ALMS1: variants seen among roughly 807,000 people sequenced by gnomAD.
The protein encoded by ALMS1 is ALMS1 centrosome and basal body associated protein.
A neutral mutation model predicts 352.2 loss-of-function variants in ALMS1; 271 were observed. That is an observed-to-expected ratio of 0.77 (90% CI 0.70 to 0.85). The LOEUF (loss-of-function observed/expected upper bound fraction) is 0.85. ALMS1 is among the 40% of genes least tolerant of loss of function. The pLI, the probability that ALMS1 is intolerant of heterozygous loss-of-function variation, is 0.00. For missense variants in ALMS1, 5,445 were observed against 4,870.7 expected (o/e 1.12, Z -3.51); for synonymous variants, 1,865 against 1,761.2 (o/e 1.06, Z -1.48).
intron 11 of ALMS1, among the ~76,000 whole-genome samples, chr2:73,529,172 T>G (rs932324934): frequency 6.6e-6 from 1 of 151,342 alleles, no homozygotes; most frequent in African/African-American, 2.4e-5. Flanking sequence ...CCCTCCCGAG[T>G]AGCTGGAACT....
intron 10 of ALMS1, among the ~76,000 whole-genome samples, chr2:73,517,125 A>G (rs1673574400): frequency 6.6e-6 from 1 of 151,994 alleles, no homozygotes; most frequent in African/African-American, 2.4e-5. Flanking sequence ...AATGGTAGAC[A>G]TACGGTAGAG....
At chr2:73,393,749 T>C (rs886648292) in intron 1 of ALMS1, among the ~76,000 whole-genome samples, 1 of 152,228 alleles carries the variant, frequency 6.6e-6, no homozygotes, top group Non-Finnish European at 1.5e-5. Flanking sequence ...GCCATAGATA[T>C]ATGGGTTTAT....
chr2:73,400,426 G>C (rs1412674224), intron 1 of ALMS1, among the ~76,000 whole-genome samples: 8 of 152,138 alleles, frequency 5.3e-5, no homozygotes, highest in Admixed American at 5.2e-4. Flanking sequence ...ATGTTTGTCT[G>C]GTATTGGCAG....
At chr2:73,405,524 A>G (rs1297973891) in intron 1 of ALMS1, among the ~76,000 whole-genome samples, 1 of 151,766 alleles carries the variant, frequency 6.6e-6, no homozygotes, top group Non-Finnish European at 1.5e-5. Context: ...ATATTTTCAA[A>G]TAACTATTGG....
intron 2 of ALMS1, among the ~76,000 whole-genome samples, chr2:73,413,236 G>C (rs11883989): frequency 6.6e-6 from 1 of 151,862 alleles, no homozygotes; most frequent in Non-Finnish European, 1.5e-5. Context: ...TTTATCAGTT[G>C]TTTCTTTTGC....
Position 73,453,307 on chromosome 2 carries a change from G to A in ALMS1, c.6780G>A (p.Lys2260=). Residue 2260 remains lysine (K), a synonymous_variant, in exon 8 of 23, where the codon AAG becomes AAA. Coordinates refer to ENST00000613296, the MANE Select transcript of ALMS1 (RefSeq NM_001378454.1). ...CAGAAAATAGTGCTAAAACTCTTAA[G>A]GAAATTCGGACACTTTTGATGGAGG... The part of the protein sequence containing the change: ...QDAENSAKTL[K]EIRTLLMEAE... 1.2e-6 allele frequency: 2 copies of A among 1,613,904 alleles called. No individual in the cohort carries two copies. The highest frequency in any genetic ancestry group is 1.7e-6 in the Non-Finnish European group (2 of 1,179,988).
intron 10 of ALMS1, among the ~76,000 whole-genome samples, chr2:73,504,944 A>G (rs1355123608): frequency 6.6e-6 from 1 of 151,176 alleles, no homozygotes; most frequent in Non-Finnish European, 1.5e-5. Flanking sequence ...TATATTCTCA[A>G]CTCCCACTTA....
chr2:73,520,108 AC>A (rs780759774), intron 11 of ALMS1, 92 bp downstream of exon 11: 8 of 1,532,394 alleles, frequency 5.2e-6, no homozygotes, highest in Non-Finnish European at 7.2e-6. Context: ...TAGTCAGAAA[AC>A]CTAATTTTAA....
At chr2:73,481,883 G>A (rs1484962974) in intron 9 of ALMS1, among the ~76,000 whole-genome samples, 1 of 151,172 alleles carries the variant, frequency 6.6e-6, no homozygotes, top group African/African-American at 2.5e-5. Flanking sequence ...CTGTTTGTCT[G>A]TTGTTGGTGT....
At chr2:73,485,894 C>T (rs189892528) in intron 9 of ALMS1, among the ~76,000 whole-genome samples, 17 of 152,182 alleles carry the variant, frequency 1.1e-4, no homozygotes, top group East Asian at 3.9e-4. Flanking sequence ...TGACCCCTTG[C>T]GCTTCCCAAG....
At chr2:73,415,990 G>C (rs1043131262) in intron 2 of ALMS1, among the ~76,000 whole-genome samples, 3 of 152,172 alleles carry the variant, frequency 2.0e-5, no homozygotes, top group Non-Finnish European at 2.9e-5. Context: ...GAACTAGAGA[G>C]TAAGTGATCT....
rs770477965 is a variant in ALMS1 at position 73,558,995 on chromosome 2, G to C, written c.10237G>C (p.Glu3413Gln). 1 of 1,613,958 alleles carries C rather than the reference G, an allele frequency of 6.2e-7. No individual in the cohort carries two copies. The highest frequency in any genetic ancestry group is 1.7e-5 in the Admixed American group (1 of 60,002). ...AGATTCCAGTGCTGCTGCTGCTGCAGAGCACTCAGCTCAAGTAGGAGACCC... is the reference window on the plus strand; with the variant it reads ...AGATTCCAGTGCTGCTGCTGCTGCACAGCACTCAGCTCAAGTAGGAGACCC... Reference protein sequence around the residue: ...TADSSAAAAAEHSAQVGDPEM... With the variant: ...TADSSAAAAAQHSAQVGDPEM... The change falls in exon 15 of 23, where the codon GAG (glutamate) becomes CAG (glutamine). Residue 3413 changes from glutamate (E) to glutamine (Q), a missense_variant. Physicochemically the swap from Glu to Gln is conservative, Grantham distance 29. Transcript: ENST00000613296.
intron 16 of ALMS1, among the ~76,000 whole-genome samples, chr2:73,586,026 C>G (rs866187003): frequency 7.2e-5 from 11 of 152,334 alleles, no homozygotes; most frequent in South Asian, 2.1e-4. Context: ...TCCCAAGATG[C>G]TGGGATTACA....
In ALMS1 at chr2:73,557,248, G is replaced by A. The variant is rs763785802; in HGVS notation, c.10107G>A (p.Gly3369=). The A allele has an allele frequency of 2.5e-6, 4 of 1,614,116 alleles. 1 individual carries two copies. The South Asian group carries it at 4.4e-5, about 18-fold the overall frequency. The part of the protein sequence containing the change: ...ADASVQVLIT[G]DENLSDKKQQ... Reference sequence around the variant, plus strand: ...CCTCAGTTCAAGTGCTAATCACTGGGGATGAGAACCTCTCAGACAAAAAAC... The same window carrying A: ...CCTCAGTTCAAGTGCTAATCACTGGAGATGAGAACCTCTCAGACAAAAAAC... The change falls in exon 14 of 23, where the codon GGG becomes GGA. Residue 3369 remains glycine, a synonymous_variant. Coordinates refer to ENST00000613296, the MANE Select transcript of ALMS1 (RefSeq NM_001378454.1).
At chr2:73,520,955 A>C (rs1223874378) in intron 11 of ALMS1, among the ~76,000 whole-genome samples, 1 of 152,180 alleles carries the variant, frequency 6.6e-6, no homozygotes, top group Non-Finnish European at 1.5e-5. Flanking sequence ...AAGTCTACTC[A>C]AAGTACATCT....
chr2:73,546,679 A>G (rs1674327380), intron 12 of ALMS1, among the ~76,000 whole-genome samples: 2 of 152,220 alleles, frequency 1.3e-5, no homozygotes, highest in African/African-American at 4.8e-5. Context: ...GCTGAACTCT[A>G]GAGGATGGGA....
At chr2:73,602,145 A>G (rs1238014637) in intron 19 of ALMS1, 40 bp from the exon 20 acceptor site, 1 of 1,581,270 alleles carries the variant, frequency 6.3e-7, no homozygotes, top group Non-Finnish European at 8.6e-7. Context: ...TTGCATCATT[A>G]ATCTGAGGCT....
chr2:73,448,348 A>T lies in ALMS1; in HGVS notation c.1821A>T (p.Leu607=), dbSNP rs1246038121. The T allele has an allele frequency of 1.9e-5, 30 of 1,613,960 alleles. No individual in the cohort carries two copies. Among genetic ancestry groups the T allele is most frequent in the Non-Finnish European group, 2.5e-5 (30 of 1,179,962 alleles). Residue 607 remains leucine (L), a synonymous_variant, in exon 8 of 23, where the codon CTA becomes CTT. Transcript: ENST00000613296. ...TGAAAGTTTCAGCTGCTCCTGGACT[A>T]GCTGACCAGACAACTGGCATGTCAA... is the stretch of plus-strand genomic sequence containing the variant. The part of the protein sequence containing the change: ...EALKVSAAPG[L]ADQTTGMSTL...
chr2:73,545,317 A>T (rs1358967699), intron 12 of ALMS1, among the ~76,000 whole-genome samples: 1 of 151,414 alleles, frequency 6.6e-6, no homozygotes, highest in East Asian at 1.9e-4. Flanking sequence ...AGTAGCTGGG[A>T]TTATAGGCAC....
Sources: allele counts gnomAD v4.1 joint callset (sites outside exome capture counted in the v4.1 genomes callset), GRCh38; gene constraint gnomAD v4.1.1; transcripts MANE v1.5; gene names NCBI Gene and HGNC (gene_info 2026-07-23, HGNC 2026-07-21).